ABCA7: variants seen among roughly 807,000 people sequenced by gnomAD.
The protein encoded by ABCA7 is phospholipid-transporting ATPase ABCA7.
ABCA7 carries 261 observed loss-of-function variants against 227.6 expected under a neutral mutation model. That is an observed-to-expected ratio of 1.15 (90% CI 1.04 to 1.27). ABCA7 has a LOEUF of 1.27. Among genes scored for constraint, ABCA7 ranks in the 50% most tolerant of loss-of-function variants. The pLI is 0.00. For synonymous variants in ABCA7, 1,488 were observed against 1,279.7 expected, an observed-to-expected ratio of 1.16 and a Z score of -3.47; for missense variants, 3,331 against 2,924.5, an observed-to-expected ratio of 1.14 and a Z score of -3.21.
chr19:1,051,667 G>C (rs911011513), intron 21 of ABCA7, 81 bp downstream of exon 21: 11 of 1,399,822 alleles, frequency 7.9e-6, no homozygotes, highest in African/African-American at 1.4e-5. Flanking sequence ...TGAGGAATGA[G>C]TAGGAGTTTG....
chr19:1,063,762 C>G lies in ABCA7; in HGVS notation c.5850C>G (p.Asp1950Glu), dbSNP rs988007296. ...LVGDPAVVFL[D>E]EPTTGMDPSA... ...ATGGGATCTTCCGTGCTCCCCAGGA[C>G]GAGCCGACCACAGGCATGGACCCCA... The change falls in exon 44 of 47, where the codon GAC becomes GAG. Residue 1950 changes from aspartate (D) to glutamate (E), a missense_variant and splice_region_variant. By Grantham distance (45) the Asp-to-Glu change is conservative. Coordinates refer to ENST00000263094, the MANE Select transcript of ABCA7 (RefSeq NM_019112.4). The G allele has an allele frequency of 2.6e-6, 4 of 1,546,932 alleles. No individual in the cohort carries two copies. The highest frequency in any genetic ancestry group is 2.4e-5 in the South Asian group (2 of 84,316).
At position 1,054,672 on chromosome 19, in the gene ABCA7, G is replaced by GGT. The variant is rs1568365945; in HGVS notation, c.3831_3832dup (p.Ala1278ValfsTer96). On this transcript the variant is annotated frameshift_variant, in exon 28 of 47. Transcript: ENST00000263094. LOFTEE classifies it high-confidence loss of function. The surrounding 1 kb of genome is among the most constrained non-coding windows in gnomAD (Gnocchi z 4.8). The stretch of plus-strand genomic sequence containing the variant: ...TCTGCGGCTCAGTCCCACCATGTAC[G>GGT]GTGCTCAGGTGTCCTTCTTCAGGTG... The GGT allele has an allele frequency of 1.2e-6, 2 of 1,612,792 alleles. No individual in the cohort carries two copies. Among genetic ancestry groups the GGT allele is most frequent in the Non-Finnish European group, 1.7e-6 (2 of 1,179,440 alleles).
Position 1,064,218 on chromosome 19 carries a change from C to T in ABCA7, c.6009C>T (p.Phe2003=). ...TGGCCATCATGGTGAATGGGCGGTT[C>T]CGCTGCCTGGGCAGCCCGCAACATC... ...SRLAIMVNGR[F]RCLGSPQHLK... The change falls in exon 45 of 47, where the codon TTC becomes TTT. Residue 2003 remains phenylalanine, a synonymous_variant. Coordinates refer to ENST00000263094, the MANE Select transcript of ABCA7 (RefSeq NM_019112.4). The T allele has an allele frequency of 6.4e-7, 1 of 1,573,774 alleles. No homozygotes were observed. Among genetic ancestry groups the T allele is most frequent in the Non-Finnish European group, 8.6e-7 (1 of 1,161,160 alleles).
At chr19:1,055,380 C>T in intron 30 of ABCA7, 29 bp downstream of exon 30, 1 of 1,536,866 alleles carries the variant, frequency 6.5e-7, no homozygotes, top group Middle Eastern at 1.8e-4. Flanking sequence ...CTCAGTTTCC[C>T]TGGCTATAGC....
chr19:1,059,154 A>G, intron 40 of ABCA7, 69 bp downstream of exon 40: 1 of 1,545,406 alleles, frequency 6.5e-7, no homozygotes, highest in Non-Finnish European at 8.8e-7. Flanking sequence ...CCTGCCCATC[A>G]TCCTTTACTG....
chr19:1,064,355 C>T, intron 45 of ABCA7, 102 bp downstream of exon 45: 2 of 1,276,722 alleles, frequency 1.6e-6, no homozygotes. Flanking sequence ...AAGTTTGGCT[C>T]CAACTGGAGA....
chr19:1,055,495 T>A, intron 30 of ABCA7, 144 bp downstream of exon 30: 1 of 835,630 alleles, frequency 1.2e-6, no homozygotes, highest in Non-Finnish European at 1.7e-6. Flanking sequence ...TACCTTCCTT[T>A]CCTCTTTTTT....
Position 1,054,551 on chromosome 19 carries a change from T to C in ABCA7, c.3727-19T>C, listed in dbSNP as rs766224162. The C allele has an allele frequency of 6.2e-7, 1 of 1,604,738 alleles. No homozygotes were observed. The highest frequency in any genetic ancestry group is 8.5e-7 in the Non-Finnish European group (1 of 1,175,146). On this transcript the variant is annotated intron_variant, in intron 27 of 46. Coordinates refer to ENST00000263094, the MANE Select transcript of ABCA7 (RefSeq NM_019112.4). The surrounding 1 kb of genome is among the most constrained non-coding windows in gnomAD (Gnocchi z 4.8). ...CTGGAGGGTGGATGGAAGCAGCAGC[T>C]GATGGGCTGGTCCCCCAGATCGTGC...
chr19:1,060,195 G>GTATATATATATATATATATATA (rs138175754), intron 40 of ABCA7, among the ~76,000 whole-genome samples: 7 of 53,498 alleles, frequency 1.3e-4, no homozygotes, highest in African/African-American at 4.0e-4. Context: ...ACACATTGCA[G>GTATATATATATATATATATATA]TATATATATA....
Position 1,042,402 on chromosome 19 carries a change from G to A in ABCA7, c.498+5G>A. ...CTGACGTCACTGCTGCGCACGGTAG[G>A]GTGTCGGGGCGGGACCGCGCTGACT... On this transcript the variant is annotated splice_donor_5th_base_variant and intron_variant, in intron 6 of 46. Transcript: ENST00000263094. 1.2e-6 allele frequency: 2 copies of A among 1,610,520 alleles called. No homozygotes were observed. Among genetic ancestry groups the A allele is most frequent in the Non-Finnish European group, 1.7e-6 (2 of 1,178,188 alleles).
intron 34 of ABCA7, 105 bp from the exon 35 acceptor site, chr19:1,057,209 G>A (rs1320106454): frequency 1.3e-6 from 2 of 1,551,550 alleles, no homozygotes; most frequent in Non-Finnish European, 1.8e-6. Flanking sequence ...GGGAGACTTT[G>A]TGCCTTCCTA....
At chr19:1,060,370 C>T (rs2042578496) in intron 40 of ABCA7, among the ~76,000 whole-genome samples, 1 of 148,782 alleles carries the variant, frequency 6.7e-6, no homozygotes, top group Admixed American at 6.7e-5. Flanking sequence ...TGCCGCCATG[C>T]CCAGCTGATT....
At chr19:1,044,176 G>A (rs564705128) in intron 10 of ABCA7, among the ~76,000 whole-genome samples, 2 of 146,242 alleles carry the variant, frequency 1.4e-5, no homozygotes, top group Admixed American at 6.8e-5. Context: ...TCCTGACCTC[G>A]TGATCCACCC....
chr19:1,061,086 T>C (rs1181380698), intron 40 of ABCA7, among the ~76,000 whole-genome samples: 1 of 151,946 alleles, frequency 6.6e-6, no homozygotes, highest in Non-Finnish European at 1.5e-5. Flanking sequence ...CGGCCTTCCA[T>C]GTGGACACTC....
chr19:1,057,981 G>A lies in ABCA7; in HGVS notation c.4947G>A (p.Val1649=). 3 of 1,613,986 alleles carry A rather than the reference G, an allele frequency of 1.9e-6. No individual in the cohort carries two copies. Among genetic ancestry groups the A allele is most frequent in the Non-Finnish European group, 1.7e-6 (2 of 1,180,002 alleles). Reference sequence around the variant, plus strand: ...TCTCCGTGCCCAGCACAGCCTATGTGGTGCTCACCTGCATAAACCTCTTTA... The same window carrying A: ...TCTCCGTGCCCAGCACAGCCTATGTAGTGCTCACCTGCATAAACCTCTTTA... ...FFFSVPSTAY[V]VLTCINLFIG... The change falls in exon 36 of 47, where the codon GTG becomes GTA. Residue 1649 remains valine, a synonymous_variant. Transcript: ENST00000263094.
At chr19:1,061,393 A>AAAAAAAAAAAAC (rs2042645176) in intron 40 of ABCA7, among the ~76,000 whole-genome samples, 2 of 147,640 alleles carry the variant, frequency 1.4e-5, no homozygotes, top group African/African-American at 5.0e-5. Flanking sequence ...TCCGTCTCAA[A>AAAAAAAAAAAAC]AAAAAAAAAA....
intron 44 of ABCA7, 67 bp downstream of exon 44, chr19:1,063,930 G>C: frequency 6.8e-7 from 1 of 1,466,588 alleles, no homozygotes. Context: ...GAGCCCCAAA[G>C]CACAAGGCCA....
intron 42 of ABCA7, 122 bp downstream of exon 42, chr19:1,062,435 A>G: frequency 6.8e-7 from 1 of 1,462,190 alleles, no homozygotes; most frequent in Non-Finnish European, 9.2e-7. Context: ...CCCTGCCCCC[A>G]GACCGTGCTT....
rs73505232 is a variant in ABCA7, at chr19:1,058,636, C to T, written c.5168C>T (p.Ser1723Leu). ...FERLGDRQFQSPLRWEVVGKN... is the reference protein window; with the variant it reads ...FERLGDRQFQLPLRWEVVGKN... ...TCCACAGGAGACAGGCAGTTCCAGTCACCCCTGCGCTGGGAGGTGGTCGGC... is the reference window on the plus strand; with the variant it reads ...TCCACAGGAGACAGGCAGTTCCAGTTACCCCTGCGCTGGGAGGTGGTCGGC... Residue 1723 changes from serine to leucine, a missense_variant, in exon 38 of 47, where the codon TCA becomes TTA. Transcript: ENST00000263094. The T allele has an allele frequency of 6.7e-3, 10,794 of 1,613,756 alleles. 673 individuals carry two copies. In the African/African-American group the frequency reaches 0.13, roughly 19 times the overall value.
Sources: gnomAD v4.1 joint callset for allele counts (sites outside exome capture counted in the v4.1 genomes callset) on GRCh38, gnomAD v4.1.1 for gene constraint, Gnocchi (gnomAD v3.1) non-coding constraint, MANE v1.5 for transcripts, NCBI Gene and HGNC (gene_info 2026-07-23, HGNC 2026-07-21) for gene names.